Variants in SORCS1 observed in about 807,000 individuals in gnomAD.
SORCS1 encodes the protein VPS10 domain-containing receptor SorCS1.
A neutral mutation model predicts 146.1 loss-of-function variants in SORCS1; 60 were observed. That is an observed-to-expected ratio of 0.41 (90% CI 0.33 to 0.51). The LOEUF is 0.51. Ranked by LOEUF, SORCS1 falls within the 20% of genes least tolerant of loss-of-function variation. The pLI, the probability that SORCS1 is intolerant of heterozygous loss-of-function variation, is 0.21. For synonymous variants in SORCS1, 637 were observed against 584.0 expected (o/e 1.09, Z -1.31); for missense variants, 1,352 against 1,487.6 (o/e 0.91, Z 1.50).
intron 1 of SORCS1, among the ~76,000 whole-genome samples, chr10:107,064,340 GA>G (rs778790589): frequency 1.3e-5 from 2 of 152,140 alleles, no homozygotes; most frequent in Non-Finnish European, 2.9e-5. Context: ...CATTTGGCTT[GA>G]TTAATTCTAA....
At position 106,956,584 on chromosome 10, in the gene SORCS1, A is replaced by C. The variant is rs1954953374; in HGVS notation, c.559-4T>G. 6 of 1,613,658 alleles carry C rather than the reference A, an allele frequency of 3.7e-6. No individual in the cohort carries two copies. The South Asian group carries it at 4.4e-5, about 12-fold the overall frequency. On this transcript the variant is annotated splice_polypyrimidine_tract_variant and splice_region_variant and intron_variant, in intron 1 of 25. Transcript: ENST00000263054. Reference sequence around the variant, plus strand: ...GCTTTGTCAAAATGAGAATCACCTGAAGGCAAAAGAAGAAATCATGGTTAG... The same window carrying C: ...GCTTTGTCAAAATGAGAATCACCTGCAGGCAAAAGAAGAAATCATGGTTAG...
intron 2 of SORCS1, among the ~76,000 whole-genome samples, chr10:106,877,824 G>A (rs1950648941): frequency 6.6e-6 from 1 of 152,132 alleles, no homozygotes; most frequent in Non-Finnish European, 1.5e-5. Context: ...GAGGAGACAT[G>A]CCACAAAAAA....
chr10:106,943,314 C>A (rs1228746851), intron 2 of SORCS1, among the ~76,000 whole-genome samples: 1 of 152,146 alleles, frequency 6.6e-6, no homozygotes, highest in Non-Finnish European at 1.5e-5. Context: ...AACTGGGGAT[C>A]TCCTCAGTTT....
At chr10:107,027,799 G>A (rs886711828) in intron 1 of SORCS1, among the ~76,000 whole-genome samples, 2 of 152,138 alleles carry the variant, frequency 1.3e-5, no homozygotes, top group African/African-American at 4.8e-5. Context: ...CATTATCTCT[G>A]TGGCAAATTA....
At chr10:106,867,953 T>G (rs2137534525) in intron 2 of SORCS1, among the ~76,000 whole-genome samples, 1 of 152,232 alleles carries the variant, frequency 6.6e-6, no homozygotes, top group Non-Finnish European at 1.5e-5. Context: ...AATGCTGTCT[T>G]CAAGAGACCC....
chr10:107,021,406 C>T (rs919290180), intron 1 of SORCS1, among the ~76,000 whole-genome samples: 3 of 148,644 alleles, frequency 2.0e-5, no homozygotes, highest in Admixed American at 6.8e-5. Flanking sequence ...CCCAGCTACT[C>T]GGGAGACTGA....
chr10:106,878,192 C>T (rs1042623651), intron 2 of SORCS1, among the ~76,000 whole-genome samples: 1 of 146,396 alleles, frequency 6.8e-6, no homozygotes, highest in Non-Finnish European at 1.5e-5. Context: ...AGTCCAGATA[C>T]TACAAAATTC....
At chr10:106,907,159 TTTC>T (rs1951944402) in intron 2 of SORCS1, among the ~76,000 whole-genome samples, 1 of 152,196 alleles carries the variant, frequency 6.6e-6, no homozygotes, top group African/African-American at 2.4e-5. Flanking sequence ...TTTGCAAGAT[TTTC>T]TTATTATTTC....
At chr10:106,948,653 T>TAAAAAA (rs58567205) in intron 2 of SORCS1, among the ~76,000 whole-genome samples, 43 of 140,906 alleles carry the variant, frequency 3.1e-4, no homozygotes, top group Non-Finnish European at 5.1e-4. Context: ...CCCTGTTTCT[T>TAAAAAA]AAAAAAAAAA....
At chr10:107,122,881 TC>T (rs1227522490) in intron 1 of SORCS1, among the ~76,000 whole-genome samples, 13 of 152,286 alleles carry the variant, frequency 8.5e-5, no homozygotes, top group African/African-American at 2.6e-4. Context: ...GTTGATGTCA[TC>T]CTAGACATTG....
chr10:106,806,429 T>TAAAATAAAATA (rs1278495622), intron 3 of SORCS1, among the ~76,000 whole-genome samples: 56 of 140,654 alleles, frequency 4.0e-4, no homozygotes, highest in Non-Finnish European at 8.1e-4. Context: ...TAAAATAAAA[T>TAAAATAAAATA]AATCATGGAG....
chr10:107,056,660 C>G lies in SORCS1; in HGVS notation c.559-100080G>C, dbSNP rs771596706. ...AACATTTCTCTTTCTCACTCAACCA[C>G]TTATAAGTGATAAAAAGCAAGAGGA... On this transcript the variant is annotated intron_variant, in intron 1 of 25. Coordinates refer to ENST00000263054, the MANE Select transcript of SORCS1 (RefSeq NM_052918.5). Among the ~76,000 whole-genome samples the G allele has an allele frequency of 2.0e-5, 3 of 152,304 alleles. No homozygotes were observed. In the Middle Eastern group the frequency reaches 0.01, roughly 518 times the overall value.
chr10:106,978,012 C>T (rs926851839), intron 1 of SORCS1, among the ~76,000 whole-genome samples: 17 of 152,192 alleles, frequency 1.1e-4, no homozygotes, highest in African/African-American at 2.7e-4. Context: ...GGCACGATCT[C>T]GGCTCACTAC....
At chr10:106,987,489 A>T (rs1309025735) in intron 1 of SORCS1, among the ~76,000 whole-genome samples, 1 of 151,912 alleles carries the variant, frequency 6.6e-6, no homozygotes, top group Non-Finnish European at 1.5e-5. Context: ...ATCTCTAGCT[A>T]CTCTGGAAGC....
chr10:106,593,002 A>G (rs370157254), intron 24 of SORCS1, among the ~76,000 whole-genome samples: 59 of 151,936 alleles, frequency 3.9e-4, no homozygotes, highest in African/African-American at 1.4e-3. Context: ...TTAGCCGGGC[A>G]TGGTGGCATG....
At chr10:106,854,675 A>C (rs1452761471) in intron 2 of SORCS1, among the ~76,000 whole-genome samples, 1 of 151,906 alleles carries the variant, frequency 6.6e-6, no homozygotes, top group East Asian at 1.9e-4. Context: ...CATATTTACC[A>C]CTAATGAAGT....
intron 1 of SORCS1, among the ~76,000 whole-genome samples, chr10:107,049,275 G>A (rs892389962): frequency 2.7e-5 from 3 of 109,782 alleles, no homozygotes; most frequent in African/African-American, 7.0e-5. Flanking sequence ...GTTGTGGGGT[G>A]GGGGGAGGGG....
intron 20 of SORCS1, among the ~76,000 whole-genome samples, chr10:106,619,820 C>T (rs538920903): frequency 1.3e-5 from 2 of 152,184 alleles, no homozygotes; most frequent in South Asian, 4.2e-4. Flanking sequence ...TTTAAAATTG[C>T]CACTGACTTT....
Position 107,070,092 on chromosome 10 carries a change from G to A in SORCS1, c.558+93877C>T, listed in dbSNP as rs778019161. Reference sequence around the variant, plus strand: ...GGAATCATACAATATGTGACTTCTCGTGCCTGACTTCTTTCACTTAGCATA... The same window carrying A: ...GGAATCATACAATATGTGACTTCTCATGCCTGACTTCTTTCACTTAGCATA... On this transcript the variant is annotated intron_variant, in intron 1 of 25. Coordinates refer to ENST00000263054, the MANE Select transcript of SORCS1 (RefSeq NM_052918.5). 2.0e-5 allele frequency among the ~76,000 whole-genome samples: 3 copies of A among 152,242 alleles called. No individual in the cohort carries two copies. The South Asian group carries it at 6.2e-4, about 32-fold the overall frequency.
Sources: allele counts gnomAD v4.1 joint callset (sites outside exome capture counted in the v4.1 genomes callset), GRCh38; gene constraint gnomAD v4.1.1; transcripts MANE v1.5; gene names NCBI Gene and HGNC (gene_info 2026-07-23, HGNC 2026-07-21).